The following ANKS6 variants were observed in gnomAD, a reference collection of about 807,000 sequenced individuals.
ANKS6 encodes the protein ankyrin repeat and sterile alpha motif domain containing 6.
Under a neutral mutation model 77.9 loss-of-function variants are expected in ANKS6, and 47 were observed. The ratio of observed to expected loss-of-function variants is 0.60; its 90% confidence interval spans 0.48 to 0.77. The LOEUF (loss-of-function observed/expected upper bound fraction) is 0.77. Among genes scored for constraint, ANKS6 ranks in the 30% least tolerant of loss-of-function variants. ANKS6 has a pLI of 0.00. For missense variants in ANKS6, 1,150 were observed against 1,159.1 expected (o/e 0.99, Z 0.11); for synonymous variants, 488 against 501.7 (o/e 0.97, Z 0.37).
intron 9 of ANKS6, among the ~76,000 whole-genome samples, chr9:98,773,117 C>T (rs1179036440): frequency 6.6e-6 from 1 of 152,186 alleles, no homozygotes; most frequent in Non-Finnish European, 1.5e-5. Context: ...GAATAGTGGA[C>T]TAAATGCAAA....
chr9:98,758,687 T>A (rs574977546), intron 11 of ANKS6, among the ~76,000 whole-genome samples: 35 of 152,250 alleles, frequency 2.3e-4, no homozygotes, highest in Non-Finnish European at 4.3e-4. Flanking sequence ...TACCGATACC[T>A]CTGACTTCAA....
chr9:98,758,565 A>AC (rs1832839162), intron 11 of ANKS6, among the ~76,000 whole-genome samples: 2 of 152,190 alleles, frequency 1.3e-5, no homozygotes, highest in Non-Finnish European at 2.9e-5. Flanking sequence ...GAGCAAAGAC[A>AC]TATATACACT....
chr9:98,749,217 T>A (rs997436707), intron 13 of ANKS6, among the ~76,000 whole-genome samples: 20 of 152,262 alleles, frequency 1.3e-4, no homozygotes, highest in African/African-American at 4.6e-4. Context: ...CTGTGTCAAG[T>A]AGAGACAAGG....
At chr9:98,776,417 T>A (rs546873395) in intron 8 of ANKS6, among the ~76,000 whole-genome samples, 18 of 103,468 alleles carry the variant, frequency 1.7e-4, no homozygotes, top group South Asian at 3.1e-4. Flanking sequence ...TTTTTTTTTT[T>A]AAAGACAGAA....
chr9:98,761,280 T>G (rs1832991212), intron 11 of ANKS6, among the ~76,000 whole-genome samples: 1 of 152,162 alleles, frequency 6.6e-6, no homozygotes, highest in Admixed American at 6.5e-5. Context: ...AAGACTTGAT[T>G]CTTTATAGAG....
chr9:98,749,458 G>A (rs1052504938), intron 13 of ANKS6, among the ~76,000 whole-genome samples: 8 of 152,124 alleles, frequency 5.3e-5, no homozygotes, highest in Non-Finnish European at 8.8e-5. Context: ...ACATACCCCC[G>A]TTCCCTACGC....
intron 11 of ANKS6, among the ~76,000 whole-genome samples, chr9:98,758,319 T>C (rs796162606): frequency 9.1e-5 from 7 of 76,590 alleles, no homozygotes; most frequent in African/African-American, 3.0e-4. Flanking sequence ...ACATGCGCCA[T>C]CTTTCTTTTT....
chr9:98,784,382 A>G (rs973834776), intron 3 of ANKS6: 2 of 462,308 alleles, frequency 4.3e-6, no homozygotes, highest in Non-Finnish European at 3.8e-6. Flanking sequence ...AGTGTTACCA[A>G]AAGACAGAAG....
chr9:98,757,469 A>C (rs1832776250), intron 11 of ANKS6, among the ~76,000 whole-genome samples: 1 of 152,216 alleles, frequency 6.6e-6, no homozygotes. Flanking sequence ...TTTTCCCATA[A>C]TTAGATGTGC....
chr9:98,776,637 G>A (rs946058947), intron 8 of ANKS6, among the ~76,000 whole-genome samples: 2 of 152,154 alleles, frequency 1.3e-5, no homozygotes, highest in South Asian at 2.1e-4. Flanking sequence ...CTGACCTCAC[G>A]TGATTCACCT....
Position 98,732,122 on chromosome 9 carries a change from A to G in ANKS6, c.*4397T>C. 1 of 248,922 alleles carries G rather than the reference A, an allele frequency of 4.0e-6. No homozygotes were observed. Among genetic ancestry groups the G allele is most frequent in the Non-Finnish European group, 7.8e-6 (1 of 128,060 alleles). The allele number at this position is 248,922 out of a possible 1,614,324, so 15.4% of individuals were successfully genotyped here. On this transcript the variant is annotated 3_prime_UTR_variant, in exon 15 of 15. Transcript: ENST00000353234. ...TAACTTGCTAGGAATGGACAAGGAC[A>G]GCGACAGGATGGTGCTTCACAGTGC...
At chr9:98,751,298 C>T (rs1483912843) in intron 12 of ANKS6, among the ~76,000 whole-genome samples, 2 of 152,216 alleles carry the variant, frequency 1.3e-5, no homozygotes, top group South Asian at 2.1e-4. Context: ...CCCCTCAAGG[C>T]AGGCCCTCAG....
intron 4 of ANKS6, among the ~76,000 whole-genome samples, chr9:98,783,223 G>C (rs911836259): frequency 2.6e-5 from 4 of 152,114 alleles, no homozygotes; most frequent in Non-Finnish European, 5.9e-5. Context: ...CCCTAAATCA[G>C]GACATCTCCA....
intron 10 of ANKS6, among the ~76,000 whole-genome samples, chr9:98,770,106 G>C (rs769212746): frequency 1.7e-4 from 26 of 152,120 alleles, no homozygotes; most frequent in Non-Finnish European, 3.1e-4. Context: ...GGACCTGATG[G>C]AGGTAATTGA....
chr9:98,741,444 A>G (rs1439956930), intron 14 of ANKS6, among the ~76,000 whole-genome samples: 2 of 152,184 alleles, frequency 1.3e-5, no homozygotes, highest in African/African-American at 4.8e-5. Flanking sequence ...AAAAACAAAA[A>G]AAAGGACACA....
Position 98,787,954 on chromosome 9 carries a change from C to T in ANKS6, c.862+2150G>A, listed in dbSNP as rs548481445. ...TGGGCCAGGCAGGATCTCACATGAA[C>T]CCCACAGCAGCCCTGAGGCGGGTAT... On this transcript the variant is annotated intron_variant, in intron 2 of 14. Transcript: ENST00000353234. 5.9e-5 allele frequency among the ~76,000 whole-genome samples: 9 copies of T among 152,342 alleles called. No individual in the cohort carries two copies. The South Asian group carries it at 1.9e-3, about 32-fold the overall frequency.
chr9:98,737,385 A>G (rs1831556137), intron 14 of ANKS6, among the ~76,000 whole-genome samples: 2 of 152,254 alleles, frequency 1.3e-5, no homozygotes, highest in South Asian at 4.1e-4. Flanking sequence ...AAGTTTCTGG[A>G]TACAAGATTA....
intron 6 of ANKS6, among the ~76,000 whole-genome samples, chr9:98,779,395 G>A (rs1035463216): frequency 2.0e-5 from 3 of 152,224 alleles, no homozygotes; most frequent in Non-Finnish European, 4.4e-5. Flanking sequence ...GTAAAGCAGA[G>A]GCTGCAAACG....
chr9:98,760,683 A>G (rs1240395118), intron 11 of ANKS6, among the ~76,000 whole-genome samples: 2 of 152,206 alleles, frequency 1.3e-5, no homozygotes, highest in African/African-American at 4.8e-5. Context: ...TTCACTCAGC[A>G]TGATGCCTTT....
Sources: allele counts gnomAD v4.1 joint callset (sites outside exome capture counted in the v4.1 genomes callset), GRCh38; gene constraint gnomAD v4.1.1; transcripts MANE v1.5; gene names NCBI Gene and HGNC (gene_info 2026-07-23, HGNC 2026-07-21).